The following DPH6 variants were observed in gnomAD, a reference collection of about 807,000 sequenced individuals.
The protein encoded by DPH6 is diphthamine biosynthesis 6.
DPH6 carries 33 observed loss-of-function variants against 38.2 expected under a neutral mutation model. That is an observed-to-expected ratio of 0.86 (90% CI 0.65 to 1.15). DPH6 has a LOEUF of 1.15. DPH6 is among the 50% of genes most tolerant of loss of function. The pLI is 0.00. For synonymous variants in DPH6, 108 were observed against 103.0 expected (o/e 1.05, Z -0.30); for missense variants, 325 against 320.0 (o/e 1.02, Z -0.12).
the DPH6 span, among the ~76,000 whole-genome samples, chr15:35,154,074 G>C: frequency 6.6e-6 from 1 of 152,104 alleles, no homozygotes; most frequent in African/African-American, 2.4e-5. Flanking sequence ...AATATTTGTC[G>C]AAAGTTACAA....
chr15:35,406,593 T>C (rs543929857), intron 6 of DPH6, among the ~76,000 whole-genome samples: 13 of 152,044 alleles, frequency 8.6e-5, no homozygotes, highest in Non-Finnish European at 1.3e-4. Context: ...AATAGTAAGA[T>C]ATTAAGAAGG....
chr15:35,299,239 C>T lies in DPH6; in HGVS notation n.200+74282G>A, dbSNP rs1199464454. The T allele has an allele frequency of 2.6e-6, 3 of 1,153,350 alleles. No homozygotes were observed. The East Asian group carries it at 7.0e-5, about 27-fold the overall frequency. 71.4% of individuals were successfully genotyped at this position (1,153,350 alleles called of 1,614,324 possible). On this transcript the variant is annotated intron_variant and non_coding_transcript_variant, in intron 3 of 3. Transcript: ENST00000560386. ...CCAGCTGGCACATGCGGTGGTGTGT[C>T]CACAATTTGCCCGGTCATCTGAGGA...
intron 3 of DPH6, among the ~76,000 whole-genome samples, chr15:35,263,556 C>T (rs1020069956): frequency 3.3e-5 from 5 of 151,744 alleles, no homozygotes; most frequent in African/African-American, 7.3e-5. Context: ...GCATCCACCA[C>T]GTCACTTGTC....
At chr15:35,514,576 T>C (rs530312290) in intron 3 of DPH6, among the ~76,000 whole-genome samples, 107 of 152,308 alleles carry the variant, frequency 7.0e-4, no homozygotes, top group African/African-American at 2.5e-3. Context: ...GGAAGTTTGA[T>C]TTAATTTTAG....
At chr15:35,184,113 T>C in the DPH6 span, among the ~76,000 whole-genome samples, 6,409 of 152,294 alleles carry the variant, frequency 0.042, 164 homozygotes, top group African/African-American at 0.075. Context: ...CTGCAACAGA[T>C]GTAAATGTAA....
At chr15:35,286,947 G>T (rs1397007627) in intron 3 of DPH6, among the ~76,000 whole-genome samples, 2 of 152,122 alleles carry the variant, frequency 1.3e-5, no homozygotes, top group African/African-American at 4.8e-5. Flanking sequence ...CTGAGGAAAG[G>T]AATTTCATGG....
At chr15:35,211,989 A>G in the DPH6 span, among the ~76,000 whole-genome samples, 1 of 152,214 alleles carries the variant, frequency 6.6e-6, no homozygotes, top group African/African-American at 2.4e-5. Flanking sequence ...CAACTAGTTC[A>G]CTTCCCCTAT....
chr15:35,382,658 T>C (rs1307611752), intron 6 of DPH6, among the ~76,000 whole-genome samples: 1 of 152,084 alleles, frequency 6.6e-6, no homozygotes, highest in East Asian at 1.9e-4. Context: ...AAAAGCAATA[T>C]AAGGCCTTTC....
At chr15:35,308,318 T>A (rs1404749867) in intron 3 of DPH6, among the ~76,000 whole-genome samples, 1 of 152,188 alleles carries the variant, frequency 6.6e-6, no homozygotes, top group Non-Finnish European at 1.5e-5. Context: ...AGGTGATGGA[T>A]ATGTTAATTG....
At chr15:35,492,531 T>A (rs8031156) in intron 3 of DPH6, among the ~76,000 whole-genome samples, 40,103 of 152,082 alleles carry the variant, frequency 0.26, 9,306 homozygotes, top group African/African-American at 0.63. Context: ...GAGTGTCTAA[T>A]ATTCAGAAAC....
intron 3 of DPH6, among the ~76,000 whole-genome samples, chr15:35,468,398 C>T (rs751156401): frequency 3.9e-5 from 6 of 152,116 alleles, no homozygotes; most frequent in Admixed American, 2.0e-4. Context: ...AGTCACAGAC[C>T]GTCCCAGCCT....
chr15:35,259,933 A>G (rs940693479), intron 3 of DPH6, among the ~76,000 whole-genome samples: 2 of 152,234 alleles, frequency 1.3e-5, no homozygotes, highest in Non-Finnish European at 2.9e-5. Flanking sequence ...AATGGTAGCC[A>G]GGGAGGAGAC....
chr15:35,529,738 G>T (rs2055059427), intron 3 of DPH6, among the ~76,000 whole-genome samples: 1 of 152,010 alleles, frequency 6.6e-6, no homozygotes, highest in Non-Finnish European at 1.5e-5. Flanking sequence ...TTTGACAAAT[G>T]AAAGAATAAG....
At chr15:35,298,711 G>A in intron 3 of DPH6, 4 of 1,579,730 alleles carry the variant, frequency 2.5e-6, no homozygotes, top group Non-Finnish European at 2.6e-6. Flanking sequence ...CCTCCCGGAA[G>A]CCGTACTTCT....
At chr15:35,513,217 A>C (rs994576039) in intron 3 of DPH6, among the ~76,000 whole-genome samples, 2 of 152,136 alleles carry the variant, frequency 1.3e-5, no homozygotes, top group Non-Finnish European at 1.5e-5. Flanking sequence ...ATTTTGAGCA[A>C]CATCTTCATA....
At chr15:35,390,930 G>A (rs920700114) in intron 6 of DPH6, among the ~76,000 whole-genome samples, 6 of 152,128 alleles carry the variant, frequency 3.9e-5, no homozygotes, top group Admixed American at 3.9e-4. Flanking sequence ...GATTTTTAGA[G>A]TTTCTGGTTT....
At chr15:35,441,792 C>T (rs189612613) in intron 5 of DPH6, among the ~76,000 whole-genome samples, 2 of 85,714 alleles carry the variant, frequency 2.3e-5, no homozygotes, top group East Asian at 3.4e-4. Flanking sequence ...ACGTGTATCC[C>T]AGAACTTAAA....
chr15:35,256,663 C>T (rs976204138), intron 3 of DPH6, among the ~76,000 whole-genome samples: 3 of 152,108 alleles, frequency 2.0e-5, no homozygotes, highest in Non-Finnish European at 2.9e-5. Context: ...TGTGTTCACT[C>T]TGGGATTTAG....
rs148093772 is a variant in DPH6, at chr15:35,236,098, A to G, written n.201-15516T>C. On this transcript the variant is annotated intron_variant and non_coding_transcript_variant, in intron 3 of 3. Transcript: ENST00000560386. ...TTAAATTTTATGTTCTTACTCTCAT[A>G]TGCATAAATATGAGGTACCAGATAT... Among the ~76,000 whole-genome samples the G allele has an allele frequency of 3.5e-3, 529 of 152,348 alleles. 3 individuals are homozygous for G. The highest frequency in any genetic ancestry group is 0.012 in the African/African-American group (504 of 41,596).
Sources: allele counts gnomAD v4.1 joint callset (sites outside exome capture counted in the v4.1 genomes callset), GRCh38; gene constraint gnomAD v4.1.1; transcripts MANE v1.5; gene names NCBI Gene and HGNC (gene_info 2026-07-23, HGNC 2026-07-21).